The following IL21R variants were observed in gnomAD, a reference collection of about 807,000 sequenced individuals.
IL21R encodes the protein interleukin 21 receptor, also known as interleukin-21 receptor.
Under a neutral mutation model 41.3 loss-of-function variants are expected in IL21R, and 14 were observed. The observed-to-expected ratio is 0.34, with a 90% confidence interval of 0.22 to 0.53. The LOEUF is 0.53. Among genes scored for constraint, IL21R ranks in the 20% least tolerant of loss-of-function variants. IL21R has a pLI of 0.94. For synonymous variants in IL21R, 286 were observed against 287.6 expected (o/e 0.99, Z 0.05); for missense variants, 588 against 681.6 (o/e 0.86, Z 1.53).
intron 1 of IL21R, among the ~76,000 whole-genome samples, chr16:27,423,124 T>A (rs564151386): frequency 3.3e-4 from 50 of 152,312 alleles, no homozygotes; most frequent in Non-Finnish European, 6.6e-4. Flanking sequence ...CTTGGCATGC[T>A]ACTTATTTTC....
chr16:27,419,139 CG>C (rs1271059949), intron 1 of IL21R, among the ~76,000 whole-genome samples: 5 of 151,990 alleles, frequency 3.3e-5, no homozygotes, highest in African/African-American at 1.2e-4. Context: ...CACTTGAACC[CG>C]GGAAAACCAA....
intron 1 of IL21R, among the ~76,000 whole-genome samples, chr16:27,426,804 T>A (rs1261889913): frequency 6.6e-6 from 1 of 152,204 alleles, no homozygotes; most frequent in Non-Finnish European, 1.5e-5. Context: ...TGGCTTCAAA[T>A]TCTGAGCCCT....
At chr16:27,406,197 C>A (rs957281388) in intron 1 of IL21R, among the ~76,000 whole-genome samples, 1 of 152,218 alleles carries the variant, frequency 6.6e-6, no homozygotes. Flanking sequence ...GGGAGAGAGA[C>A]GGTGGGTGGC....
chr16:27,430,298 C>T (rs991023429), intron 2 of IL21R, among the ~76,000 whole-genome samples, 178 bp downstream of exon 2: 1 of 152,380 alleles, frequency 6.6e-6, no homozygotes, highest in Admixed American at 6.5e-5. Flanking sequence ...TAATCAGAAT[C>T]CATCCACCAA....
intron 2 of IL21R, among the ~76,000 whole-genome samples, chr16:27,431,850 G>A (rs974762855): frequency 2.6e-5 from 4 of 152,094 alleles, no homozygotes; most frequent in African/African-American, 4.8e-5. Flanking sequence ...CACCATGTTG[G>A]CCAGGATGGT....
intron 2 of IL21R, among the ~76,000 whole-genome samples, chr16:27,434,055 G>T (rs1217253829): frequency 6.6e-6 from 1 of 152,146 alleles, no homozygotes; most frequent in Non-Finnish European, 1.5e-5. Context: ...CGGGCGCAGG[G>T]CTCTGGAGGA....
chr16:27,431,442 G>T (rs2087169742), intron 2 of IL21R, among the ~76,000 whole-genome samples: 1 of 152,224 alleles, frequency 6.6e-6, no homozygotes, highest in Admixed American at 6.5e-5. Flanking sequence ...GAGAGGCTAA[G>T]AGACAGGTGC....
At chr16:27,423,863 G>A (rs1281055511) in intron 1 of IL21R, among the ~76,000 whole-genome samples, 1 of 152,132 alleles carries the variant, frequency 6.6e-6, no homozygotes, top group Non-Finnish European at 1.5e-5. Flanking sequence ...AAGTTACTGG[G>A]TTTTAGGTAG....
At chr16:27,410,567 G>C (rs1046172766) in intron 1 of IL21R, among the ~76,000 whole-genome samples, 2 of 152,142 alleles carry the variant, frequency 1.3e-5, no homozygotes, top group Non-Finnish European at 2.9e-5. Context: ...CCAGTTGAGG[G>C]CTTCCTGCCT....
At chr16:27,434,706 C>A (rs3093328) in intron 3 of IL21R, among the ~76,000 whole-genome samples, 1,838 of 152,250 alleles carry the variant, frequency 0.012, 52 homozygotes, top group African/African-American at 0.041. Flanking sequence ...ATTTTTCAAG[C>A]ACTTAGGTAC....
intron 1 of IL21R, among the ~76,000 whole-genome samples, chr16:27,403,950 C>A (rs746531990): frequency 6.6e-6 from 1 of 152,194 alleles, no homozygotes; most frequent in Non-Finnish European, 1.5e-5. Flanking sequence ...GTGGGGACAA[C>A]CTTGCCCCAG....
intron 2 of IL21R, among the ~76,000 whole-genome samples, chr16:27,431,929 G>A (rs2087179655): frequency 1.3e-5 from 2 of 152,160 alleles, no homozygotes; most frequent in African/African-American, 4.8e-5. Flanking sequence ...ACCGCACCCA[G>A]CCCCCATCTT....
chr16:27,427,361 G>A, intron 1 of IL21R: 1 of 981,348 alleles, frequency 1.0e-6, no homozygotes, highest in Non-Finnish European at 1.2e-6. Flanking sequence ...TGTAGGCAGA[G>A]GTAAGAAATT....
At chr16:27,415,511 T>C in intron 1 of IL21R, among the ~76,000 whole-genome samples, 1 of 152,218 alleles carries the variant, frequency 6.6e-6, no homozygotes, top group Non-Finnish European at 1.5e-5. Flanking sequence ...CTTGTTGACT[T>C]TCTGGACAGC....
intron 4 of IL21R, among the ~76,000 whole-genome samples, chr16:27,440,250 G>T (rs3094370): frequency 0.045 from 2,878 of 63,862 alleles, 33 homozygotes; most frequent in Middle Eastern, 0.059. Context: ...TATATATATA[G>T]AGAGAGAGAG....
rs913689113 is a variant in IL21R at position 27,443,036 on chromosome 16, G to A, written c.427G>A (p.Glu143Lys). The change falls in exon 5 of 9, where the codon GAA (glutamate) becomes AAA (lysine). Residue 143 changes from glutamate (E) to lysine (K), a missense_variant. Glu to Lys is a moderately conservative substitution (Grantham distance 56, BLOSUM62 1). Coordinates refer to ENST00000337929, the MANE Select transcript of IL21R (RefSeq NM_181078.3). ...TAATATCTCCTGGCGCTCAGATTAC[G>A]AAGACCCTGCCTTCTACATGCTGAA... ...QYNISWRSDY[E>K]DPAFYMLKGK... 9 of 1,613,842 alleles carry A rather than the reference G, an allele frequency of 5.6e-6. No individual in the cohort carries two copies. Among genetic ancestry groups the A allele is most frequent in the Admixed American group, 1.7e-5 (1 of 59,984 alleles).
At chr16:27,403,138 G>A (rs764652693) in intron 1 of IL21R, 13 of 970,206 alleles carry the variant, frequency 1.3e-5, no homozygotes, top group South Asian at 9.4e-5. Flanking sequence ...CAACTGGGAC[G>A]TAGCAGGTCG....
chr16:27,442,997 T>C lies in IL21R; in HGVS notation c.388T>C (p.Phe130Leu). 1 of 1,605,512 alleles carries C rather than the reference T, an allele frequency of 6.2e-7. No individual in the cohort carries two copies. Among genetic ancestry groups the C allele is most frequent in the Non-Finnish European group, 8.5e-7 (1 of 1,176,072 alleles). ...PAPPFNVTVTFSGQYNISWRS... is the reference protein window; with the variant it reads ...PAPPFNVTVTLSGQYNISWRS... ...TCCCCCTTTCAACGTGACTGTGACC[T>C]TCTCAGGACAGTATAATATCTCCTG... The change falls in exon 5 of 9, where the codon TTC becomes CTC. Residue 130 changes from phenylalanine to leucine, a missense_variant. By Grantham distance (22) the Phe-to-Leu change is conservative (BLOSUM62 0). Coordinates refer to ENST00000337929, the MANE Select transcript of IL21R (RefSeq NM_181078.3).
intron 5 of IL21R, 151 bp downstream of exon 5, chr16:27,443,267 C>A: frequency 1.7e-6 from 1 of 599,296 alleles, no homozygotes; most frequent in Non-Finnish European, 2.8e-6. Flanking sequence ...AGCGGGCCCT[C>A]CTCCTCCCCT....
Sources: gnomAD v4.1 joint callset for allele counts (sites outside exome capture counted in the v4.1 genomes callset) on GRCh38, gnomAD v4.1.1 for gene constraint, MANE v1.5 for transcripts, NCBI Gene and HGNC (gene_info 2026-07-23, HGNC 2026-07-21) for gene names.